ZNF420: variants seen among roughly 807,000 people sequenced by gnomAD.
ZNF420 encodes the protein zinc finger protein 420, also known as ATM and p53-associated KZNF protein.
ZNF420 carries 31 observed loss-of-function variants against 44.7 expected under a neutral mutation model. The observed-to-expected ratio is 0.69, with a 90% CI of 0.52 to 0.94. The LOEUF is 0.94. Among genes scored for constraint, ZNF420 ranks in the 40% least tolerant of loss-of-function variants. The pLI is 0.00. For synonymous variants in ZNF420, 245 were observed against 267.4 expected (o/e 0.92, Z 0.82); for missense variants, 681 against 827.9 (o/e 0.82, Z 2.18).
chr19:37,043,648 T>C (rs1416119646), intron 1 of ZNF420, among the ~76,000 whole-genome samples: 1 of 152,184 alleles, frequency 6.6e-6, no homozygotes, highest in Non-Finnish European at 1.5e-5. Context: ...TAATTTTGTA[T>C]GTTTAGTAGA....
chr19:37,024,858 A>T (rs1167514103), intron 1 of ZNF420: 1 of 153,894 alleles, frequency 6.5e-6, no homozygotes, highest in African/African-American at 2.4e-5. Flanking sequence ...CTGGGATGAC[A>T]GGCATGAGCC....
In ZNF420 at chr19:37,089,034, C is replaced by G; in HGVS notation, c.-80-5C>G. 5.7e-6 allele frequency: 7 copies of G among 1,229,770 alleles called. No homozygotes were observed. Among genetic ancestry groups the G allele is most frequent in the Middle Eastern group, 1.9e-4 (1 of 5,372 alleles). 76.2% of individuals were successfully genotyped at this position (1,229,770 alleles called of 1,614,324 possible). A position where few individuals can be genotyped will look rare whatever the true frequency, so the allele number is the denominator to read the frequency against. Reference sequence around the variant, plus strand: ...GGTCTCATGGTTCTGCTTTCTCCTCCGTAGCTCTGCATTCTCCAGACTCTG... The same window carrying G: ...GGTCTCATGGTTCTGCTTTCTCCTCGGTAGCTCTGCATTCTCCAGACTCTG... On this transcript the variant is annotated splice_region_variant and splice_polypyrimidine_tract_variant and intron_variant, in intron 2 of 4. Transcript: ENST00000337995.
chr19:37,108,253 A>T (rs1421381419), intron 4 of ZNF420: 1 of 152,184 alleles, frequency 6.6e-6, no homozygotes, highest in Non-Finnish European at 1.5e-5. Flanking sequence ...GTAAAAATGA[A>T]TCTTTTGGAT....
At chr19:37,087,400 A>C (rs1459288277) in intron 2 of ZNF420, among the ~76,000 whole-genome samples, 1 of 151,982 alleles carries the variant, frequency 6.6e-6, no homozygotes, top group African/African-American at 2.4e-5. Context: ...CAGCTCTCTG[A>C]TGAATTTAAA....
At chr19:37,085,730 CTTTA>C (rs960151820) in intron 2 of ZNF420, among the ~76,000 whole-genome samples, 1 of 151,634 alleles carries the variant, frequency 6.6e-6, no homozygotes, top group Non-Finnish European at 1.5e-5. Context: ...TAATTTTTTT[CTTTA>C]TTTCTTTTTT....
intron 1 of ZNF420, among the ~76,000 whole-genome samples, chr19:37,026,027 G>A (rs1352572883): frequency 6.6e-6 from 1 of 152,140 alleles, no homozygotes; most frequent in South Asian, 2.1e-4. Flanking sequence ...ATTAATAATG[G>A]CATAAGGCCG....
At chr19:37,091,200 T>A in intron 4 of ZNF420, 79 bp downstream of exon 4, 1 of 1,350,744 alleles carries the variant, frequency 7.4e-7, no homozygotes, top group Non-Finnish European at 9.9e-7. Flanking sequence ...AATTTCCTTT[T>A]TAAGTAATTA....
At chr19:37,039,633 A>G (rs1356459212) in intron 1 of ZNF420, among the ~76,000 whole-genome samples, 1 of 151,984 alleles carries the variant, frequency 6.6e-6, no homozygotes, top group Non-Finnish European at 1.5e-5. Context: ...ATGCCCTAGG[A>G]TTTATGGAAT....
At chr19:37,122,335 T>A (rs558543064) in intron 4 of ZNF420, among the ~76,000 whole-genome samples, 1 of 151,818 alleles carries the variant, frequency 6.6e-6, no homozygotes, top group African/African-American at 2.4e-5. Context: ...AAACTGGAAA[T>A]CATCATTCTC....
At chr19:37,126,714 TCTTCC>T (rs1259138766) in intron 4 of ZNF420, among the ~76,000 whole-genome samples, 1 of 152,212 alleles carries the variant, frequency 6.6e-6, no homozygotes, top group Admixed American at 6.5e-5. Flanking sequence ...GTTCTTAATC[TCTTCC>T]CTTATCTTCT....
intron 1 of ZNF420, among the ~76,000 whole-genome samples, chr19:37,019,099 A>G (rs1041885729): frequency 6.6e-6 from 1 of 152,208 alleles, no homozygotes; most frequent in African/African-American, 2.4e-5. Flanking sequence ...AATGAAAGAA[A>G]ATATTTACAA....
intron 4 of ZNF420, among the ~76,000 whole-genome samples, chr19:37,116,787 C>T (rs1389217593): frequency 6.6e-6 from 1 of 152,228 alleles, no homozygotes; most frequent in Non-Finnish European, 1.5e-5. Flanking sequence ...GCTTAAAAAA[C>T]AGCACACCAG....
intron 4 of ZNF420, among the ~76,000 whole-genome samples, chr19:37,119,404 A>G (rs1970893242): frequency 6.6e-6 from 1 of 152,226 alleles, no homozygotes; most frequent in Non-Finnish European, 1.5e-5. Context: ...GCAGAAATCA[A>G]GATGTTCTTT....
Position 37,129,083 on chromosome 19 carries a change from A to C in ZNF420, c.*25A>C, listed in dbSNP as rs765957030. 1.9e-6 allele frequency: 3 copies of C among 1,587,926 alleles called. No individual in the cohort carries two copies. The highest frequency in any genetic ancestry group is 2.7e-5 in the African/African-American group (2 of 74,300). ...AATTGTCTGATTATTTGAGATCACT[A>C]TGAAGAGGTTCTCTGGTTGTTAGCA... On this transcript the variant is annotated 3_prime_UTR_variant, in exon 5 of 5. Transcript: ENST00000337995.
chr19:37,076,031 T>G (rs1968142170), upstream of ZNF420, among the ~76,000 whole-genome samples: 1 of 152,208 alleles, frequency 6.6e-6, no homozygotes, highest in South Asian at 2.1e-4. Context: ...AGTACCTCTT[T>G]GTGAATCTGA....
chr19:37,127,746 A>G lies in ZNF420; in HGVS notation c.755A>G (p.Glu252Gly). ...GTTCATACTGGTGAGAAACCTTATGAATGTAAAGAATGTGGGAAGGCCTTT... is the reference window on the plus strand; with the variant it reads ...GTTCATACTGGTGAGAAACCTTATGGATGTAAAGAATGTGGGAAGGCCTTT... ...QKVHTGEKPYECKECGKAFTQ... is the reference protein window; with the variant it reads ...QKVHTGEKPYGCKECGKAFTQ... The change falls in exon 5 of 5, where the codon GAA becomes GGA. Residue 252 changes from glutamate to glycine, a missense_variant. Around this residue, in one of 3 missense-constraint regions of ZNF420, gnomAD observed 350 missense variants for 382.5 expected, o/e 0.92. Transcript: ENST00000337995. The G allele has an allele frequency of 6.2e-7, 1 of 1,613,840 alleles. No homozygotes were observed. Among genetic ancestry groups the G allele is most frequent in the Non-Finnish European group, 8.5e-7 (1 of 1,179,904 alleles).
chr19:37,127,971 A>T lies in ZNF420; in HGVS notation c.980A>T (p.Lys327Ile), dbSNP rs867082833. ...GGCTCACAGCTTTCTCAACATCAGA[A>T]AATTCATAATGGGGAAAAACCATAT... ...ICGSQLSQHQ[K>I]IHNGEKPYEC... The change falls in exon 5 of 5, where the codon AAA becomes ATA. Residue 327 changes from lysine to isoleucine, a missense_variant. Physicochemically the swap from Lys to Ile is moderately radical, Grantham distance 102 (BLOSUM62 -3). Transcript: ENST00000337995. 2 of 1,612,050 alleles carry T rather than the reference A, an allele frequency of 1.2e-6. No homozygotes were observed. The highest frequency in any genetic ancestry group is 3.3e-5 in the Admixed American group (2 of 59,872).
At chr19:37,047,823 G>T (rs1332018135) in intron 1 of ZNF420, among the ~76,000 whole-genome samples, 1 of 152,134 alleles carries the variant, frequency 6.6e-6, no homozygotes, top group Non-Finnish European at 1.5e-5. Context: ...CTTTCCAATT[G>T]TAACTGCCAT....
intron 1 of ZNF420, among the ~76,000 whole-genome samples, chr19:37,068,787 T>C (rs572469218): frequency 4.8e-4 from 73 of 152,314 alleles, no homozygotes; most frequent in African/African-American, 1.8e-3. Flanking sequence ...AAAAAACATT[T>C]GGAAAATACT....
Sources: gnomAD v4.1 joint callset for allele counts (sites outside exome capture counted in the v4.1 genomes callset) on GRCh38, gnomAD v4.1.1 for gene constraint, gnomAD v4.1.1 regional missense constraint, MANE v1.5 for transcripts, NCBI Gene and HGNC (gene_info 2026-07-23, HGNC 2026-07-21) for gene names.